The following SCAF4 variants were observed in gnomAD, a reference collection of about 807,000 sequenced individuals.
SCAF4 encodes SR-related CTD associated factor 4, also known as SR-related and CTD-associated factor 4.
A neutral mutation model predicts 129.8 loss-of-function variants in SCAF4; 25 were observed. That is an observed-to-expected ratio of 0.19 (90% CI 0.14 to 0.27). SCAF4 has a LOEUF of 0.27. SCAF4 is among the 10% of genes least tolerant of loss of function. The pLI is 1.00. For synonymous variants in SCAF4, 551 were observed against 497.7 expected (o/e 1.11, Z -1.43); for missense variants, 1,246 against 1,457.1 (o/e 0.86, Z 2.36).
At chr21:31,717,862 C>CAT (rs2050961313) in intron 1 of SCAF4, among the ~76,000 whole-genome samples, 19 of 125,378 alleles carry the variant, frequency 1.5e-4, no homozygotes, top group African/African-American at 5.4e-4. Flanking sequence ...CACACACACA[C>CAT]ACACACACAT....
chr21:31,679,748 A>G (rs2049952620), intron 19 of SCAF4, among the ~76,000 whole-genome samples: 1 of 152,186 alleles, frequency 6.6e-6, no homozygotes, highest in Non-Finnish European at 1.5e-5. Flanking sequence ...GAAAAACAGA[A>G]TTATAAGTGA....
chr21:31,685,506 C>T (rs1440903664), intron 17 of SCAF4, 22 bp from the exon 18 acceptor site: 1 of 1,612,916 alleles, frequency 6.2e-7, no homozygotes, highest in Admixed American at 1.7e-5. Context: ...AAAATAATGT[C>T]AACTTATGCT....
At chr21:31,719,277 C>CGAAA (rs1310375767) in intron 1 of SCAF4, among the ~76,000 whole-genome samples, 1 of 151,148 alleles carries the variant, frequency 6.6e-6, no homozygotes, top group Non-Finnish European at 1.5e-5. Flanking sequence ...GCAACAAGAA[C>CGAAA]GAAACTCTGT....
At chr21:31,701,560 A>G (rs2050532680) in intron 6 of SCAF4, among the ~76,000 whole-genome samples, 1 of 152,234 alleles carries the variant, frequency 6.6e-6, no homozygotes, top group South Asian at 2.1e-4. Context: ...AGTCCTCTTC[A>G]AAGAGGTACT....
chr21:31,694,797 G>C lies in SCAF4; in HGVS notation c.1236+16C>G. ...GCAACAAAAAAAGATAAAACTATCTGAGAATAAAGTTTTACCTGCTGATGC... is the reference window on the plus strand; with the variant it reads ...GCAACAAAAAAAGATAAAACTATCTCAGAATAAAGTTTTACCTGCTGATGC... On this transcript the variant is annotated intron_variant, in intron 10 of 19. Coordinates refer to ENST00000286835, the MANE Select transcript of SCAF4 (RefSeq NM_020706.2). The C allele has an allele frequency of 6.2e-7, 1 of 1,611,976 alleles. No individual in the cohort carries two copies. The highest frequency in any genetic ancestry group is 8.5e-7 in the Non-Finnish European group (1 of 1,178,094).
chr21:31,729,094 G>A (rs2051281072), intron 1 of SCAF4, among the ~76,000 whole-genome samples: 1 of 152,000 alleles, frequency 6.6e-6, no homozygotes, highest in Non-Finnish European at 1.5e-5. Flanking sequence ...ATAACACTAC[G>A]AACGAAACAG....
chr21:31,715,431 A>G (rs916899096), intron 1 of SCAF4, among the ~76,000 whole-genome samples: 1 of 152,250 alleles, frequency 6.6e-6, no homozygotes, highest in East Asian at 1.9e-4. Flanking sequence ...TACAGGTTTT[A>G]GAATTAGATT....
At chr21:31,687,095 TAC>T (rs780512258) in intron 16 of SCAF4, among the ~76,000 whole-genome samples, 3 of 152,262 alleles carry the variant, frequency 2.0e-5, no homozygotes, top group East Asian at 3.9e-4. Flanking sequence ...TACCAAAGCA[TAC>T]AGTTTTCCCC....
chr21:31,680,938 T>G (rs2093095420), intron 19 of SCAF4, among the ~76,000 whole-genome samples: 1 of 152,228 alleles, frequency 6.6e-6, no homozygotes, highest in Admixed American at 6.5e-5. Context: ...ACATTTGCGC[T>G]TGTTTAAATA....
Position 31,694,828 on chromosome 21 carries a change from C to T in SCAF4, c.1221G>A (p.Gln407=). The T allele has an allele frequency of 6.2e-7, 1 of 1,614,130 alleles. No homozygotes were observed. Among genetic ancestry groups the T allele is most frequent in the Non-Finnish European group, 8.5e-7 (1 of 1,179,994 alleles). The part of the protein sequence containing the change: ...SFQAQNEPLT[Q]KPHQQEMEVE... ...AAAGTTTTACCTGCTGATGCGGCTT[C>T]TGTGTAAGTGGTTCATTTTGTGCCT... The change falls in exon 10 of 20, where the codon CAG becomes CAA. Residue 407 remains glutamine (Q), a synonymous_variant. Coordinates refer to ENST00000286835, the MANE Select transcript of SCAF4 (RefSeq NM_020706.2).
intron 3 of SCAF4, among the ~76,000 whole-genome samples, chr21:31,705,117 AG>A (rs1459280221): frequency 6.6e-6 from 1 of 152,236 alleles, no homozygotes; most frequent in African/African-American, 2.4e-5. Flanking sequence ...CTCAAAGGTG[AG>A]TTAAACACCT....
rs199912634 is a variant in SCAF4, at chr21:31,714,707, TAAC to T, written c.31-8353_31-8351del. ...TGCTATTTACCAGTGGCATAAACCT[TAAC>T]AAGTTTAGTCAACCTTTCTAAACTC... On this transcript the variant is annotated intron_variant, in intron 1 of 19. Coordinates refer to ENST00000286835, the MANE Select transcript of SCAF4 (RefSeq NM_020706.2). Among the ~76,000 whole-genome samples, 23 of 152,294 alleles carry T rather than the reference TAAC, an allele frequency of 1.5e-4. No individual in the cohort carries two copies. In the East Asian group the frequency reaches 4.4e-3, roughly 29 times the overall value.
chr21:31,671,399 C>T lies in SCAF4; in HGVS notation c.3444G>A (p.Ter1148=). 6.2e-7 allele frequency: 1 copy of T among 1,612,606 alleles called. No individual in the cohort carries two copies. ...GTCACATTTTCACAAATTCCAGTCT[C>T]TAACGAGGAGCCTCTGCTGCTGAGC... The part of the protein sequence containing the change: ...DSGSAAEAPR[*] The change falls in exon 20 of 20, where the codon TAG becomes TAA. Residue 1148 remains the stop codon, a stop_retained_variant. Transcript: ENST00000286835.
At chr21:31,699,155 T>G (rs970954189) in intron 7 of SCAF4, among the ~76,000 whole-genome samples, 2 of 152,102 alleles carry the variant, frequency 1.3e-5, no homozygotes, top group African/African-American at 4.8e-5. Context: ...TGTCCAGAGA[T>G]AAGACACAGA....
At chr21:31,714,814 T>A (rs559198858) in intron 1 of SCAF4, among the ~76,000 whole-genome samples, 1 of 152,338 alleles carries the variant, frequency 6.6e-6, no homozygotes, top group East Asian at 1.9e-4. Context: ...GGATAATGTA[T>A]GTAAATCTCT....
chr21:31,675,090 T>C (rs901295413), intron 19 of SCAF4, among the ~76,000 whole-genome samples: 2 of 152,108 alleles, frequency 1.3e-5, no homozygotes, highest in Non-Finnish European at 2.9e-5. Flanking sequence ...TGAAAAGGCA[T>C]ATAGCAAGGT....
chr21:31,691,782 A>T (rs201479896), intron 14 of SCAF4, 35 bp downstream of exon 14: 23 of 884,662 alleles, frequency 2.6e-5, no homozygotes, highest in South Asian at 1.1e-4. Context: ...CTGCCTATTT[A>T]AAAAAAAAAT....
At chr21:31,730,247 G>A (rs1199469170) in intron 1 of SCAF4, among the ~76,000 whole-genome samples, 1 of 152,170 alleles carries the variant, frequency 6.6e-6, no homozygotes, top group Non-Finnish European at 1.5e-5. Flanking sequence ...TTCCAACCCT[G>A]AAATGTTTGG....
intron 9 of SCAF4, among the ~76,000 whole-genome samples, chr21:31,695,560 T>A (rs530374685): frequency 6.6e-6 from 1 of 152,262 alleles, no homozygotes; most frequent in African/African-American, 2.4e-5. Flanking sequence ...AAATTATTTA[T>A]GAACTTTCAG....
Sources: allele counts gnomAD v4.1 joint callset (sites outside exome capture counted in the v4.1 genomes callset), GRCh38; gene constraint gnomAD v4.1.1; transcripts MANE v1.5; gene names NCBI Gene and HGNC (gene_info 2026-07-23, HGNC 2026-07-21).